IMPDH1: variants seen among roughly 807,000 people sequenced by gnomAD.
IMPDH1 encodes inosine monophosphate dehydrogenase 1.
IMPDH1 carries 41 observed loss-of-function variants against 73.5 expected under a neutral mutation model. The ratio of observed to expected loss-of-function variants is 0.56; its 90% CI spans 0.43 to 0.72. IMPDH1 has a LOEUF of 0.72. IMPDH1 is among the 30% of genes least tolerant of loss of function. The probability of loss-of-function intolerance (pLI) is 0.00; values close to 1 mark genes in which losing one functional copy is unlikely to be tolerated. For synonymous variants in IMPDH1, 318 were observed against 334.3 expected (o/e 0.95, Z 0.53); for missense variants, 645 against 824.8 (o/e 0.78, Z 2.67).
intron 10 of IMPDH1, among the ~76,000 whole-genome samples, chr7:128,397,466 T>C (rs996325810): frequency 6.6e-6 from 1 of 152,190 alleles, no homozygotes; most frequent in Admixed American, 6.5e-5. Flanking sequence ...AAACAGGCGG[T>C]TCTCAGTAAA....
chr7:128,406,185 A>G (rs1798746691), intron 3 of IMPDH1, among the ~76,000 whole-genome samples: 1 of 17,874 alleles, frequency 5.6e-5, no homozygotes, highest in South Asian at 2.0e-3. Flanking sequence ...CGGACCGGGT[A>G]GGAGGTGTGG....
At position 128,396,422 on chromosome 7, in the gene IMPDH1, T is replaced by C. The variant is rs1218424696; in HGVS notation, c.1261+178A>G. Among the ~76,000 whole-genome samples the C allele has an allele frequency of 2.0e-5, 3 of 152,322 alleles. No homozygotes were observed. Among genetic ancestry groups the C allele is most frequent in the East Asian group, 3.9e-4 (2 of 5,180 alleles). ...GAAGCAGGCTGCAGCTCTTGCACCC[T>C]GCTTACACCTGCCTTCCCCTAAGTC... On this transcript the variant is annotated intron_variant, in intron 12 of 16. Transcript: ENST00000338791. The surrounding 1 kb of genome is among the most constrained non-coding windows in gnomAD (Gnocchi z 4.0).
At chr7:128,404,409 G>A (rs76672854) in intron 4 of IMPDH1, among the ~76,000 whole-genome samples, 18,995 of 152,200 alleles carry the variant, frequency 0.12, 1,236 homozygotes, top group Middle Eastern at 0.15. Flanking sequence ...CAACACTAGG[G>A]TGGGCCACGG....
intron 3 of IMPDH1, among the ~76,000 whole-genome samples, chr7:128,408,321 G>A (rs1255800109): frequency 6.6e-6 from 1 of 152,198 alleles, no homozygotes; most frequent in Non-Finnish European, 1.5e-5. Context: ...AGGGGAAGAT[G>A]GGGGAAGGGC....
At chr7:128,399,921 C>G (rs1232917829) in intron 9 of IMPDH1, among the ~76,000 whole-genome samples, 174 bp downstream of exon 9, 2 of 152,152 alleles carry the variant, frequency 1.3e-5, no homozygotes, top group African/African-American at 4.8e-5. Flanking sequence ...GGGCAAGCTT[C>G]CCTAAGCTAA....
In IMPDH1 at chr7:128,394,609, G is replaced by T; in HGVS notation, c.1551-10C>A. The T allele has an allele frequency of 6.2e-7, 1 of 1,613,170 alleles. No homozygotes were observed. ...CACTTTATCCCCCTCGCTGCGTGGA[G>T]GGTGGAAGACTGAGCCCAGCAGCTT... On this transcript the variant is annotated splice_polypyrimidine_tract_variant and intron_variant, in intron 14 of 16. Coordinates refer to ENST00000338791, the MANE Select transcript of IMPDH1 (RefSeq NM_000883.4). This position sits in a 1 kb window ranked among gnomAD's most constrained non-coding sequence, Gnocchi z 5.5.
chr7:128,400,425 T>C lies in IMPDH1; in HGVS notation c.694A>G (p.Thr232Ala), dbSNP rs979315605. ...ACCAGCTTGCTGCCCATGGTGCCCGTCTCAGTGATGGGGATGCCAGAGAAG... is the reference window on the plus strand; with the variant it reads ...ACCAGCTTGCTGCCCATGGTGCCCGCCTCAGTGATGGGGATGCCAGAGAAG... ...HGFSGIPITE[T>A]GTMGSKLVGI... The change falls in exon 8 of 17, where the codon ACG becomes GCG. Residue 232 changes from threonine to alanine, a missense_variant. By Grantham distance (58) the Thr-to-Ala change is moderately conservative. Transcript: ENST00000338791. The C allele has an allele frequency of 3.1e-6, 5 of 1,612,266 alleles. No homozygotes were observed. Among genetic ancestry groups the C allele is most frequent in the Non-Finnish European group, 4.2e-6 (5 of 1,179,926 alleles).
At chr7:128,401,288 G>A (rs917409289) in intron 5 of IMPDH1, among the ~76,000 whole-genome samples, 172 bp from the exon 6 acceptor site, 6 of 152,192 alleles carry the variant, frequency 3.9e-5, no homozygotes, top group African/African-American at 9.7e-5. Context: ...AAAGAAAAAT[G>A]ACAGACACAG....
intron 9 of IMPDH1, 35 bp downstream of exon 9, chr7:128,400,060 G>T (rs546146901): frequency 1.3e-6 from 2 of 1,485,008 alleles, no homozygotes; most frequent in South Asian, 1.1e-5. Flanking sequence ...AGGGAGTCAG[G>T]CTGGGGGTTG....
At chr7:128,408,307 CT>C (rs1210806627) in intron 3 of IMPDH1, among the ~76,000 whole-genome samples, 1 of 152,162 alleles carries the variant, frequency 6.6e-6, no homozygotes, top group African/African-American at 2.4e-5. Flanking sequence ...TCAAAACACT[CT>C]TGAGGGGAAG....
chr7:128,403,748 G>A lies in IMPDH1; in HGVS notation c.360C>T (p.Phe120=). The part of the protein sequence containing the change: ...ASADGLTYND[F]LILPGFIDFI... ...AGTCTATGAATCCTGGGAGAATCAG[G>A]AAGTCGCTGTGAAGACAGAGAAGTG... is the stretch of plus-strand genomic sequence containing the variant. The change falls in exon 5 of 17, where the codon TTC becomes TTT. Residue 120 remains phenylalanine, a synonymous_variant. Transcript: ENST00000338791. The A allele has an allele frequency of 6.2e-7, 1 of 1,614,040 alleles. No homozygotes were observed. The highest frequency in any genetic ancestry group is 1.7e-5 in the Admixed American group (1 of 60,022).
intron 3 of IMPDH1, among the ~76,000 whole-genome samples, chr7:128,407,479 C>T (rs996565832): frequency 6.6e-6 from 1 of 152,190 alleles, no homozygotes; most frequent in African/African-American, 2.4e-5. Flanking sequence ...ACCAGGGGAG[C>T]GTCCTGAGGA....
intron 3 of IMPDH1, among the ~76,000 whole-genome samples, chr7:128,406,742 C>T (rs1023826167): frequency 1.3e-5 from 2 of 152,244 alleles, no homozygotes; most frequent in Non-Finnish European, 2.9e-5. Flanking sequence ...CTTCGGCTCA[C>T]CGCCCTATCT....
Position 128,398,393 on chromosome 7 carries a change from C to G in IMPDH1, c.1074+21G>C. On this transcript the variant is annotated intron_variant, in intron 10 of 16. Transcript: ENST00000338791. This position sits in a 1 kb window ranked among gnomAD's most constrained non-coding sequence, Gnocchi z 4.3. ...CTGAACCACTCATCCATCTCCCCCACCACTCAGGCGGGGGCCTTACCAAGA... is the reference window on the plus strand; with the variant it reads ...CTGAACCACTCATCCATCTCCCCCAGCACTCAGGCGGGGGCCTTACCAAGA... 6.2e-7 allele frequency: 1 copy of G among 1,607,558 alleles called. No homozygotes were observed. Among genetic ancestry groups the G allele is most frequent in the East Asian group, 2.2e-5 (1 of 44,858 alleles).
In IMPDH1 at chr7:128,398,613, C is replaced by T. The variant is rs1350029833; in HGVS notation, c.875G>A (p.Gly292Glu). The change falls in exon 10 of 17, where the codon GGG (glycine) becomes GAG (glutamate). Residue 292 changes from glycine (G) to glutamate (E), a missense_variant and splice_region_variant. This residue lies in a region of IMPDH1 where 459 missense variants were observed against 638.2 expected (regional missense o/e 0.72). Transcript: ENST00000338791. This position sits in a 1 kb window ranked among gnomAD's most constrained non-coding sequence, Gnocchi z 4.3. ...GCAATCATTGACGATAGGCAGCTTC[C>T]CTGACAAGGAATGCAGGGGTGAAAT... ...ANEILQRSKKGKLPIVNDCDE... is the reference protein window; with the variant it reads ...ANEILQRSKKEKLPIVNDCDE... 1.2e-6 allele frequency: 2 copies of T among 1,612,488 alleles called. No homozygotes were observed. The highest frequency in any genetic ancestry group is 2.7e-5 in the African/African-American group (2 of 74,880).
intron 5 of IMPDH1, 145 bp downstream of exon 5, chr7:128,403,558 CAAA>C (rs879132945): frequency 0.011 from 4,998 of 455,306 alleles, no homozygotes; most frequent in East Asian, 0.012. Flanking sequence ...ACTCTGTCTC[CAAA>C]AAAAAAAAAA....
rs753272412 is a variant in IMPDH1, at chr7:128,395,039, G to A, written c.1406-6C>T. The A allele has an allele frequency of 3.1e-6, 5 of 1,613,934 alleles. No homozygotes were observed. In the Admixed American group the frequency reaches 5.0e-5, roughly 16 times the overall value. ...CAGCAGGGAGCCCATCATCACTACAGTGGGCAAGGGATTAGTGCCTCCAGC... is the reference window on the plus strand; with the variant it reads ...CAGCAGGGAGCCCATCATCACTACAATGGGCAAGGGATTAGTGCCTCCAGC... On this transcript the variant is annotated splice_polypyrimidine_tract_variant and splice_region_variant and intron_variant, in intron 13 of 16. Transcript: ENST00000338791.
At chr7:128,409,688 C>G in intron 1 of IMPDH1, 68 bp downstream of exon 1, 1 of 1,522,274 alleles carries the variant, frequency 6.6e-7, no homozygotes, top group Non-Finnish European at 8.8e-7. Context: ...GCCGGGTTCC[C>G]GGAGCCGCCG....
chr7:128,403,692 G>C lies in IMPDH1; in HGVS notation c.402+14C>G. The C allele has an allele frequency of 6.2e-7, 1 of 1,612,072 alleles. No individual in the cohort carries two copies. The highest frequency in any genetic ancestry group is 8.5e-7 in the Non-Finnish European group (1 of 1,178,108). ...ACACAGCCCCCTCCCCTTGTCAAAG[G>C]AAGAGGTACTCACCACCTCATCAGC... On this transcript the variant is annotated intron_variant, in intron 5 of 16. Transcript: ENST00000338791.
Sources: gnomAD v4.1 joint callset for allele counts (sites outside exome capture counted in the v4.1 genomes callset) on GRCh38, gnomAD v4.1.1 for gene constraint, gnomAD v4.1.1 regional missense constraint, Gnocchi (gnomAD v3.1) non-coding constraint, MANE v1.5 for transcripts, NCBI Gene and HGNC (gene_info 2026-07-23, HGNC 2026-07-21) for gene names.